Variants in COLGALT2 observed in about 807,000 individuals in gnomAD.
The protein encoded by COLGALT2 is collagen beta(1-O)galactosyltransferase 2.
COLGALT2 carries 49 observed loss-of-function variants against 73.4 expected under a neutral mutation model. The observed-to-expected ratio is 0.67, with a 90% confidence interval of 0.53 to 0.85. The LOEUF (loss-of-function observed/expected upper bound fraction) is 0.85, where lower values mean the gene tolerates loss of function less well. COLGALT2 is among the 40% of genes least tolerant of loss of function. The pLI, the probability that COLGALT2 is intolerant of heterozygous loss-of-function variation, is 0.00. For missense variants in COLGALT2, 722 were observed against 790.2 expected (o/e 0.91, Z 1.03); for synonymous variants, 295 against 307.6 (o/e 0.96, Z 0.43).
chr1:183,975,421 T>C (rs1326051314), intron 2 of COLGALT2, among the ~76,000 whole-genome samples: 1 of 152,190 alleles, frequency 6.6e-6, no homozygotes, highest in African/African-American at 2.4e-5. Flanking sequence ...CAAGAATCTT[T>C]ACATGAAATA....
In COLGALT2 at chr1:183,969,302, T is replaced by C; in HGVS notation, c.799A>G (p.Ile267Val). The C allele has an allele frequency of 6.2e-7, 1 of 1,613,130 alleles. No homozygotes were observed. The highest frequency in any genetic ancestry group is 8.5e-7 in the Non-Finnish European group (1 of 1,179,592). ...HQDYTWTFDDIIVFAFSSRQA... is the reference protein window; with the variant it reads ...HQDYTWTFDDVIVFAFSSRQA... ...CTGCTGGAGAAGGCAAAGACAATGA[T>C]GTCATCAAAGGTCCAGGTGTAGTCC... The change falls in exon 5 of 12, where the codon ATC becomes GTC. Residue 267 changes from isoleucine to valine, a missense_variant. Coordinates refer to ENST00000361927, the MANE Select transcript of COLGALT2 (RefSeq NM_015101.4).
Position 183,937,935 on chromosome 1 carries a change from C to A in COLGALT2, c.*826G>T. 1.0e-6 allele frequency: 1 copy of A among 985,396 alleles called. No individual in the cohort carries two copies. Among genetic ancestry groups the A allele is most frequent in the Non-Finnish European group, 1.2e-6 (1 of 829,930 alleles). 61.0% of individuals were successfully genotyped at this position (985,396 alleles called of 1,614,324 possible). ...AGCAGCGCGCAAACCCGGGACAGGGCAGGATGCACAGCCAGTCCTCACCCT... is the reference window on the plus strand; with the variant it reads ...AGCAGCGCGCAAACCCGGGACAGGGAAGGATGCACAGCCAGTCCTCACCCT... On this transcript the variant is annotated 3_prime_UTR_variant, in exon 12 of 12. Coordinates refer to ENST00000361927, the MANE Select transcript of COLGALT2 (RefSeq NM_015101.4).
intron 1 of COLGALT2, among the ~76,000 whole-genome samples, chr1:184,005,545 T>A (rs929102396): frequency 6.6e-6 from 1 of 152,148 alleles, no homozygotes; most frequent in Non-Finnish European, 1.5e-5. Flanking sequence ...TACCTGGTTA[T>A]ACTCAGAATT....
chr1:183,985,686 G>C (rs10911481), intron 1 of COLGALT2, among the ~76,000 whole-genome samples: 2 of 152,038 alleles, frequency 1.3e-5, no homozygotes, highest in African/African-American at 2.4e-5. Flanking sequence ...AGAGGTCTGC[G>C]ATTGGTGGAG....
intron 2 of COLGALT2, among the ~76,000 whole-genome samples, chr1:183,977,569 T>G (rs1198245684): frequency 6.6e-6 from 1 of 151,994 alleles, no homozygotes; most frequent in Non-Finnish European, 1.5e-5. Flanking sequence ...GAGGATCGCT[T>G]GAGGCCAGGA....
At chr1:183,945,719 T>C (rs1042668921) in intron 8 of COLGALT2, 155 bp from the exon 9 acceptor site, 11 of 793,882 alleles carry the variant, frequency 1.4e-5, no homozygotes, top group Non-Finnish European at 2.2e-5. Context: ...TCCAGGCTAA[T>C]GTGTCACACT....
chr1:183,968,549 G>A (rs1670941461), intron 5 of COLGALT2, among the ~76,000 whole-genome samples: 1 of 152,180 alleles, frequency 6.6e-6, no homozygotes, highest in Admixed American at 6.5e-5. Flanking sequence ...TGTGAAAATT[G>A]CAGTGCATGC....
chr1:184,023,446 C>G (rs1415738550), intron 1 of COLGALT2, among the ~76,000 whole-genome samples: 1 of 152,098 alleles, frequency 6.6e-6, no homozygotes, highest in East Asian at 1.9e-4. Flanking sequence ...TGTGATAATC[C>G]ACTAGCTTGG....
chr1:184,017,625 T>C (rs977186453), intron 1 of COLGALT2, among the ~76,000 whole-genome samples: 18 of 152,144 alleles, frequency 1.2e-4, no homozygotes, highest in Non-Finnish European at 1.2e-4. Flanking sequence ...ACAAGAAGTA[T>C]GATAGAGGGG....
At chr1:183,973,545 TG>T in intron 4 of COLGALT2, 70 bp downstream of exon 4, 2 of 1,573,450 alleles carry the variant, frequency 1.3e-6, no homozygotes, top group Admixed American at 3.5e-5. Context: ...GAAAGGTGAA[TG>T]GGACTACTGT....
intron 2 of COLGALT2, among the ~76,000 whole-genome samples, chr1:183,975,630 G>C (rs1282928948): frequency 1.3e-5 from 2 of 152,218 alleles, no homozygotes; most frequent in African/African-American, 4.8e-5. Context: ...GATTTGGAGA[G>C]TATGCAGTGT....
rs796491878 is a variant in COLGALT2, at chr1:184,023,737, A to C, written c.263+13358T>G. Among the ~76,000 whole-genome samples the C allele has an allele frequency of 3.3e-5, 5 of 152,238 alleles. 1 individual carries two copies. The highest frequency in any genetic ancestry group is 1.2e-4 in the African/African-American group (5 of 41,556). On this transcript the variant is annotated intron_variant, in intron 1 of 11. Transcript: ENST00000361927. The stretch of plus-strand genomic sequence containing the variant: ...AAATTAAATCTAACCAAATACCTGC[A>C]ACACGTACACTTATGCTGCAAATAT...
At chr1:183,962,056 T>C (rs1191737396) in intron 6 of COLGALT2, among the ~76,000 whole-genome samples, 2 of 151,976 alleles carry the variant, frequency 1.3e-5, no homozygotes, top group Non-Finnish European at 2.9e-5. Flanking sequence ...ATTTATAGTG[T>C]AGGAGCAAGG....
In COLGALT2 at chr1:183,938,003, G is replaced by C. The variant is rs1178901404; in HGVS notation, c.*758C>G. On this transcript the variant is annotated 3_prime_UTR_variant, in exon 12 of 12. Coordinates refer to ENST00000361927, the MANE Select transcript of COLGALT2 (RefSeq NM_015101.4). ...CTTTATAAATAGAGCATCCTGACTCGAGTGGCCATAATAAAAAAGCCAAAC... is the reference window on the plus strand; with the variant it reads ...CTTTATAAATAGAGCATCCTGACTCCAGTGGCCATAATAAAAAAGCCAAAC... 3 of 985,308 alleles carry C rather than the reference G, an allele frequency of 3.0e-6. No homozygotes were observed. Among genetic ancestry groups the C allele is most frequent in the South Asian group, 4.7e-5 (1 of 21,280 alleles). 61.0% of individuals were successfully genotyped at this position (985,308 alleles called of 1,614,324 possible).
chr1:184,008,492 G>C (rs1163913203), intron 1 of COLGALT2, among the ~76,000 whole-genome samples: 1 of 152,180 alleles, frequency 6.6e-6, no homozygotes, highest in Non-Finnish European at 1.5e-5. Context: ...CATTTTGGGA[G>C]GTTGAGGCGG....
chr1:183,964,184 A>T (rs1435264477), intron 5 of COLGALT2, 164 bp from the exon 6 acceptor site: 3 of 592,588 alleles, frequency 5.1e-6, no homozygotes, highest in Non-Finnish European at 8.3e-6. Context: ...CTCCTTTATT[A>T]AAAAAGTAAA....
intron 6 of COLGALT2, 65 bp from the exon 7 acceptor site, chr1:183,954,903 C>T: frequency 8.2e-7 from 1 of 1,222,142 alleles, no homozygotes. Context: ...AGAATTCCAT[C>T]CGCATGCCTG....
At chr1:183,971,510 C>A (rs1671036490) in intron 4 of COLGALT2, among the ~76,000 whole-genome samples, 1 of 152,192 alleles carries the variant, frequency 6.6e-6, no homozygotes, top group Non-Finnish European at 1.5e-5. Context: ...TCATTAAAAA[C>A]AACCCTCAAG....
At chr1:183,976,802 A>T (rs984626968) in intron 2 of COLGALT2, among the ~76,000 whole-genome samples, 36 of 152,228 alleles carry the variant, frequency 2.4e-4, no homozygotes, top group African/African-American at 8.7e-4. Context: ...AAAAAGGATG[A>T]CATAGAATAT....
Sources: gnomAD v4.1 joint callset for allele counts (sites outside exome capture counted in the v4.1 genomes callset) on GRCh38, gnomAD v4.1.1 for gene constraint, MANE v1.5 for transcripts, NCBI Gene and HGNC (gene_info 2026-07-23, HGNC 2026-07-21) for gene names.